Variants in PPARG observed in about 807,000 individuals in gnomAD.
The protein encoded by PPARG is peroxisome proliferator activated receptor gamma, also known as peroxisome proliferator-activated receptor gamma.
In PPARG, 17 loss-of-function variants were observed where a neutral mutation model predicts 39.2. The observed-to-expected ratio is 0.43, with a 90% CI of 0.30 to 0.65. The LOEUF is 0.65. Ranked by LOEUF, PPARG falls within the 30% of genes least tolerant of loss-of-function variation. PPARG has a pLI of 0.13. For synonymous variants in PPARG, 223 were observed against 215.7 expected (o/e 1.03, Z -0.30); for missense variants, 406 against 585.9 (o/e 0.69, Z 3.17).
At chr3:12,351,509 C>G in intron 2 of PPARG, 1 of 1,081,424 alleles carries the variant, frequency 9.2e-7, no homozygotes. Context: ...TACTTCAAGT[C>G]TTTTTCTTTT....
At chr3:12,356,674 A>G (rs1195736801) in intron 2 of PPARG, among the ~76,000 whole-genome samples, 1 of 152,194 alleles carries the variant, frequency 6.6e-6, no homozygotes. Context: ...TTTTCAAGGC[A>G]CCATAGTGAA....
chr3:12,321,504 A>G (rs1458471849), intron 2 of PPARG, among the ~76,000 whole-genome samples: 1 of 152,180 alleles, frequency 6.6e-6, no homozygotes, highest in African/African-American at 2.4e-5. Context: ...CGCTGCTACT[A>G]TAAATTTTTC....
At chr3:12,402,493 A>G (rs1266690769) in intron 5 of PPARG, among the ~76,000 whole-genome samples, 1 of 152,202 alleles carries the variant, frequency 6.6e-6, no homozygotes, top group Non-Finnish European at 1.5e-5. Context: ...CTAGGAACAA[A>G]GATGAGAAAA....
At chr3:12,405,275 T>G (rs988449036) in intron 5 of PPARG, among the ~76,000 whole-genome samples, 23 of 152,318 alleles carry the variant, frequency 1.5e-4, no homozygotes, top group African/African-American at 4.8e-4. Flanking sequence ...CAAACATCAT[T>G]AAGTGGTAAC....
intron 2 of PPARG, among the ~76,000 whole-genome samples, chr3:12,357,102 C>T (rs1463036490): frequency 6.6e-6 from 1 of 152,128 alleles, no homozygotes; most frequent in African/African-American, 2.4e-5. Flanking sequence ...GGGTTTTCAG[C>T]TTCCATCCTA....
At chr3:12,399,448 G>A (rs373372535) in intron 5 of PPARG, 21 of 455,180 alleles carry the variant, frequency 4.6e-5, no homozygotes, top group African/African-American at 8.0e-5. Context: ...TGAGCCAAGC[G>A]TGGTGGTGCA....
chr3:12,405,615 C>G (rs1206432860), intron 5 of PPARG, among the ~76,000 whole-genome samples: 1 of 152,190 alleles, frequency 6.6e-6, no homozygotes, highest in Non-Finnish European at 1.5e-5. Flanking sequence ...TACTTCCCTC[C>G]CTTTGCTAAA....
upstream of PPARG, chr3:12,288,778 T>TGGAGCGCGCAGCCA (rs2046574153): frequency 6.6e-6 from 1 of 152,058 alleles, no homozygotes; most frequent in African/African-American, 2.4e-5. Context: ...CCTCCGCGGA[T>TGGAGCGCGCAGCCA]GGAGCGCGCA....
At chr3:12,372,212 A>G in intron 2 of PPARG, 1 of 711,134 alleles carries the variant, frequency 1.4e-6, no homozygotes, top group Non-Finnish European at 2.6e-6. Flanking sequence ...CCTGCCTGGC[A>G]CATTATAGGT....
At chr3:12,405,825 T>C in intron 5 of PPARG, 57 bp from the exon 6 acceptor site, 1 of 1,545,496 alleles carries the variant, frequency 6.5e-7, no homozygotes. Flanking sequence ...GAGCACAGTG[T>C]GTGTTCAGAG....
chr3:12,321,186 C>T (rs1389825223), intron 2 of PPARG, among the ~76,000 whole-genome samples: 1 of 152,166 alleles, frequency 6.6e-6, no homozygotes, highest in East Asian at 1.9e-4. Context: ...ATGGCGTGGA[C>T]TCACTTCCTT....
intron 4 of PPARG, 102 bp downstream of exon 4, chr3:12,381,593 C>A: frequency 1.6e-6 from 2 of 1,232,982 alleles, no homozygotes; most frequent in Non-Finnish European, 2.3e-6. Flanking sequence ...TTTTTTTCTT[C>A]ATGGAAGAGT....
At chr3:12,394,231 C>T (rs1190407877) in intron 5 of PPARG, among the ~76,000 whole-genome samples, 3 of 152,166 alleles carry the variant, frequency 2.0e-5, no homozygotes, top group Non-Finnish European at 2.9e-5. Context: ...CATGCCAGTT[C>T]CGCTTTTAAC....
chr3:12,329,805 C>G (rs987883109), intron 2 of PPARG, among the ~76,000 whole-genome samples: 5 of 152,186 alleles, frequency 3.3e-5, no homozygotes, highest in African/African-American at 1.2e-4. Context: ...ATCACCCACT[C>G]CCCAGCCCTG....
At chr3:12,343,022 C>A (rs1267852560) in intron 2 of PPARG, among the ~76,000 whole-genome samples, 1 of 152,244 alleles carries the variant, frequency 6.6e-6, no homozygotes, top group East Asian at 1.9e-4. Context: ...AAAGAGATTT[C>A]TTTTATCCTA....
chr3:12,395,606 T>A (rs2050229828), intron 5 of PPARG, among the ~76,000 whole-genome samples: 1 of 152,246 alleles, frequency 6.6e-6, no homozygotes, highest in Non-Finnish European at 1.5e-5. Flanking sequence ...TTCTCAAATA[T>A]TCACTTTCAG....
chr3:12,388,592 A>C (rs2049962590), intron 4 of PPARG, among the ~76,000 whole-genome samples: 1 of 152,180 alleles, frequency 6.6e-6, no homozygotes, highest in South Asian at 2.1e-4. Context: ...GGAGTCCCCC[A>C]GTTTAAGGTC....
At chr3:12,421,583 A>G (rs748848949) in intron 7 of PPARG, among the ~76,000 whole-genome samples, 3 of 152,238 alleles carry the variant, frequency 2.0e-5, no homozygotes, top group Non-Finnish European at 2.9e-5. Context: ...GGAACTCTGC[A>G]GCAGGCAAAA....
chr3:12,291,929 C>T (rs1173146079), intron 1 of PPARG, among the ~76,000 whole-genome samples: 1 of 152,128 alleles, frequency 6.6e-6, no homozygotes, highest in African/African-American at 2.4e-5. Context: ...GATTTTAAGG[C>T]TTTATGAGCA....
Sources: allele counts gnomAD v4.1 joint callset (sites outside exome capture counted in the v4.1 genomes callset), GRCh38; gene constraint gnomAD v4.1.1; transcripts MANE v1.5; gene names NCBI Gene and HGNC (gene_info 2026-07-23, HGNC 2026-07-21).